The following CLASP2 variants were observed in gnomAD, a reference collection of about 807,000 sequenced individuals.
CLASP2 encodes CLIP-associating protein 2.
CLASP2 carries 47 observed loss-of-function variants against 194.4 expected under a neutral mutation model. That is an observed-to-expected ratio of 0.24 (90% CI 0.19 to 0.31). The LOEUF (loss-of-function observed/expected upper bound fraction) is 0.31. Ranked by LOEUF, CLASP2 falls within the 10% of genes least tolerant of loss-of-function variation. CLASP2 has a pLI of 1.00. For synonymous variants in CLASP2, 619 were observed against 633.5 expected (o/e 0.98, Z 0.34); for missense variants, 1,445 against 1,823.6 (o/e 0.79, Z 3.78).
At chr3:33,546,497 T>C (rs965368923) in intron 30 of CLASP2, among the ~76,000 whole-genome samples, 1 of 152,236 alleles carries the variant, frequency 6.6e-6, no homozygotes, top group Non-Finnish European at 1.5e-5. Context: ...ATCAAAGTAA[T>C]ACATACATAC....
chr3:33,606,620 C>A lies in CLASP2; in HGVS notation c.1665G>T (p.Arg555Ser). ...GACTTTCCTGTGAGCTGGATGAGGA[C>A]CTGTCTGATTGTGGAAGAGATGCTA... ...GSVASLPQSD[R>S]SSSSSQESLN... is the part of the protein sequence containing the mutation. Residue 555 changes from arginine to serine, a missense_variant, in exon 16 of 39, where the codon AGG becomes AGT. Around this residue, in one of 4 missense-constraint regions of CLASP2, gnomAD observed 174 missense variants for 179.0 expected, o/e 0.97. Transcript: ENST00000682230. 1 of 1,613,598 alleles carries A rather than the reference C, an allele frequency of 6.2e-7. No individual in the cohort carries two copies. Among genetic ancestry groups the A allele is most frequent in the Non-Finnish European group, 8.5e-7 (1 of 1,179,752 alleles).
chr3:33,622,839 G>A (rs1245639988), intron 10 of CLASP2, among the ~76,000 whole-genome samples: 1 of 146,562 alleles, frequency 6.8e-6, no homozygotes, highest in East Asian at 2.0e-4. Flanking sequence ...ACAGTGTCTT[G>A]CTCTGTTGCC....
chr3:33,515,587 T>C lies in CLASP2; in HGVS notation c.4110+436A>G, dbSNP rs184542774. Among the ~76,000 whole-genome samples the C allele has an allele frequency of 4.9e-4, 75 of 152,286 alleles. 1 individual carries two copies. The East Asian group carries it at 9.6e-3, about 20-fold the overall frequency. ...ATCACTGGAACCGGGAGGCTGAGGC[T>C]GCAGTGAGCTGTGATCACACCACTG... On this transcript the variant is annotated intron_variant, in intron 36 of 38. Coordinates refer to ENST00000682230, the MANE Select transcript of CLASP2 (RefSeq NM_001365631.1).
intron 1 of CLASP2, among the ~76,000 whole-genome samples, chr3:33,709,561 C>T (rs2092900391): frequency 6.6e-6 from 1 of 152,010 alleles, no homozygotes; most frequent in Admixed American, 6.6e-5. Flanking sequence ...GATGTGACGA[C>T]GTTATACTGC....
chr3:33,564,459 A>G (rs1411608870), intron 27 of CLASP2, among the ~76,000 whole-genome samples: 1 of 152,156 alleles, frequency 6.6e-6, no homozygotes, highest in Non-Finnish European at 1.5e-5. Context: ...CTGAGATGCC[A>G]TTTTCTTCAA....
At chr3:33,629,742 G>T (rs1223987926) in intron 9 of CLASP2, among the ~76,000 whole-genome samples, 1 of 150,988 alleles carries the variant, frequency 6.6e-6, no homozygotes, top group African/African-American at 2.4e-5. Flanking sequence ...ATCCACAGTT[G>T]TAGTTTTGCA....
chr3:33,598,270 C>A (rs962996861), intron 18 of CLASP2, among the ~76,000 whole-genome samples: 6 of 152,042 alleles, frequency 3.9e-5, no homozygotes, highest in Non-Finnish European at 8.8e-5. Flanking sequence ...AACTTCAAGT[C>A]ACCTGTTAGC....
At chr3:33,704,117 T>C (rs78171205) in intron 1 of CLASP2, among the ~76,000 whole-genome samples, 4,540 of 152,244 alleles carry the variant, frequency 0.03, 93 homozygotes, top group Admixed American at 0.059. Flanking sequence ...CACAGAGGAT[T>C]TTTAGGGCAG....
In CLASP2 at chr3:33,553,706, T is replaced by C. The variant is rs568982835; in HGVS notation, c.3010-2311A>G. 4.6e-5 allele frequency among the ~76,000 whole-genome samples: 7 copies of C among 152,296 alleles called. No homozygotes were observed. In the South Asian group the frequency reaches 1.5e-3, roughly 32 times the overall value. On this transcript the variant is annotated intron_variant, in intron 29 of 38. Coordinates refer to ENST00000682230, the MANE Select transcript of CLASP2 (RefSeq NM_001365631.1). ...TGTTATCAAAAAGATGAAAGATATG[T>C]GTTGGTGATGATGTGGAGAAAACGA...
intron 34 of CLASP2, 138 bp downstream of exon 34, chr3:33,535,095 A>C: frequency 3.2e-6 from 2 of 623,722 alleles, no homozygotes; most frequent in South Asian, 4.1e-5. Flanking sequence ...ATGAGTTCCT[A>C]GAAGATGGGA....
intron 25 of CLASP2, among the ~76,000 whole-genome samples, chr3:33,571,563 G>A (rs2063776754): frequency 6.6e-6 from 1 of 151,610 alleles, no homozygotes; most frequent in African/African-American, 2.4e-5. Flanking sequence ...TGAACCCGGG[G>A]GGCAGAGGTT....
At chr3:33,619,451 C>A (rs1322611437) in intron 12 of CLASP2, among the ~76,000 whole-genome samples, 152 bp downstream of exon 12, 1 of 139,314 alleles carries the variant, frequency 7.2e-6, no homozygotes, top group East Asian at 2.1e-4. Context: ...AAAAATAATT[C>A]AAAAATGATT....
chr3:33,624,492 A>G (rs2077654990), intron 10 of CLASP2, among the ~76,000 whole-genome samples: 1 of 152,134 alleles, frequency 6.6e-6, no homozygotes, highest in African/African-American at 2.4e-5. Context: ...TAAGAAAAAG[A>G]CAAATATAGT....
intron 37 of CLASP2, among the ~76,000 whole-genome samples, chr3:33,508,730 A>G (rs2048975944): frequency 6.6e-6 from 1 of 152,228 alleles, no homozygotes; most frequent in Non-Finnish European, 1.5e-5. Context: ...TGAAAATAGG[A>G]TAGGTAGTCT....
At chr3:33,656,529 G>T (rs1420891170) in intron 7 of CLASP2, among the ~76,000 whole-genome samples, 1 of 152,176 alleles carries the variant, frequency 6.6e-6, no homozygotes, top group African/African-American at 2.4e-5. Context: ...ACTGGTGGGA[G>T]TGTATGTGGT....
chr3:33,665,903 A>G (rs1374942361), intron 6 of CLASP2, among the ~76,000 whole-genome samples: 1 of 152,212 alleles, frequency 6.6e-6, no homozygotes, highest in Non-Finnish European at 1.5e-5. Context: ...ATTCAGGGGA[A>G]GAAATTAGGA....
intron 23 of CLASP2, among the ~76,000 whole-genome samples, chr3:33,581,481 C>T (rs948221078): frequency 6.6e-6 from 1 of 152,092 alleles, no homozygotes; most frequent in Non-Finnish European, 1.5e-5. Context: ...CAAACTAGTC[C>T]GCATTTCACT....
At chr3:33,671,524 A>G (rs952062952) in intron 6 of CLASP2, among the ~76,000 whole-genome samples, 12 of 152,138 alleles carry the variant, frequency 7.9e-5, no homozygotes, top group Non-Finnish European at 1.5e-5. Flanking sequence ...CCCAGAAGAC[A>G]GGTGATTTCT....
intron 23 of CLASP2, among the ~76,000 whole-genome samples, chr3:33,576,580 T>C (rs1272700170): frequency 6.6e-6 from 1 of 152,210 alleles, no homozygotes; most frequent in Non-Finnish European, 1.5e-5. Flanking sequence ...AATCCAGCTC[T>C]ATCAGTTCAG....
Sources: allele counts gnomAD v4.1 joint callset (sites outside exome capture counted in the v4.1 genomes callset), GRCh38; gene constraint gnomAD v4.1.1; regional missense constraint gnomAD v4.1.1; transcripts MANE v1.5; gene names NCBI Gene and HGNC (gene_info 2026-07-23, HGNC 2026-07-21).